The following LSM1 variants were observed in gnomAD, a reference collection of about 807,000 sequenced individuals.
LSM1 encodes U6 snRNA-associated Sm-like protein LSm1.
In LSM1, 13 loss-of-function variants were observed where a neutral mutation model predicts 18.0. The ratio of observed to expected loss-of-function variants is 0.72; its 90% CI spans 0.47 to 1.15. The LOEUF (loss-of-function observed/expected upper bound fraction) is 1.15. Ranked by LOEUF, LSM1 falls within the 50% of genes most tolerant of loss-of-function variation. The pLI is 0.00. For missense variants in LSM1, 152 were observed against 157.7 expected (o/e 0.96, Z 0.19); for synonymous variants, 46 against 56.0 (o/e 0.82, Z 0.80).
intron 2 of LSM1, among the ~76,000 whole-genome samples, chr8:38,171,400 A>T (rs1195501924): frequency 6.6e-6 from 1 of 152,180 alleles, no homozygotes; most frequent in Non-Finnish European, 1.5e-5. Context: ...CTGTCCTAAA[A>T]CCATGAGGAG....
chr8:38,163,935 A>T, intron 3 of LSM1, 95 bp from the exon 4 acceptor site: 1 of 1,104,208 alleles, frequency 9.1e-7, no homozygotes, highest in Non-Finnish European at 1.3e-6. Context: ...GGCTCAGATT[A>T]TTTTTCATAA....
At chr8:38,167,482 G>A (rs1339709269) in intron 3 of LSM1, among the ~76,000 whole-genome samples, 1 of 151,770 alleles carries the variant, frequency 6.6e-6, no homozygotes, top group Non-Finnish European at 1.5e-5. Context: ...AGCTGGGACT[G>A]GTGATGTGCA....
At chr8:38,164,226 T>C (rs1357378191) in intron 3 of LSM1, among the ~76,000 whole-genome samples, 1 of 152,190 alleles carries the variant, frequency 6.6e-6, no homozygotes, top group Non-Finnish European at 1.5e-5. Context: ...GGCTAATTTT[T>C]GTATTTTAAG....
chr8:38,174,178 G>A (rs1171759421), intron 1 of LSM1, among the ~76,000 whole-genome samples: 2 of 152,108 alleles, frequency 1.3e-5, no homozygotes, highest in Non-Finnish European at 2.9e-5. Flanking sequence ...TCGAGGTTTG[G>A]GGATAAAGAT....
chr8:38,176,046 C>T, intron 1 of LSM1: 3 of 464,568 alleles, frequency 6.5e-6, no homozygotes, highest in East Asian at 7.3e-5. Flanking sequence ...TGGGGCTCAC[C>T]AGCTAGAGGG....
intron 1 of LSM1, among the ~76,000 whole-genome samples, chr8:38,172,439 G>A (rs1203254500): frequency 2.0e-5 from 3 of 150,862 alleles, no homozygotes; most frequent in Non-Finnish European, 2.9e-5. Context: ...CTCCTGCATC[G>A]GCCTCCTTAG....
rs1211029698 is a variant in LSM1 at position 38,169,890 on chromosome 8, T to C, written c.143A>G (p.Glu48Gly). ...FANLVLHQTV[E>G]RIHVGKKYGD... ...GTATTTTTTGCCCACATGAATACGC[T>C]CCACAGTCTGATGTAGCACTAAGTT... is the stretch of plus-strand genomic sequence containing the variant. Residue 48 changes from glutamate to glycine, a missense_variant, in exon 3 of 4, where the codon GAG (glutamate) becomes GGG (glycine). By Grantham distance (98) the Glu-to-Gly change is moderately conservative (BLOSUM62 -2). Transcript: ENST00000311351. 2 of 1,613,044 alleles carry C rather than the reference T, an allele frequency of 1.2e-6. No individual in the cohort carries two copies. The highest frequency in any genetic ancestry group is 1.7e-6 in the Non-Finnish European group (2 of 1,179,142).
intron 1 of LSM1, among the ~76,000 whole-genome samples, chr8:38,172,522 A>G (rs1803050073): frequency 6.6e-6 from 1 of 152,092 alleles, no homozygotes. Flanking sequence ...GTGTATCACC[A>G]TGTTAGCTAG....
chr8:38,168,702 T>A (rs1802978675), intron 3 of LSM1, among the ~76,000 whole-genome samples: 1 of 151,400 alleles, frequency 6.6e-6, no homozygotes, highest in Non-Finnish European at 1.5e-5. Flanking sequence ...ATAAGAAAAA[T>A]TTTTATAAGT....
chr8:38,176,222 C>G, intron 1 of LSM1, 53 bp downstream of exon 1: 6 of 1,544,860 alleles, frequency 3.9e-6, no homozygotes, highest in Non-Finnish European at 5.4e-6. Context: ...AGGCGCCCGC[C>G]CGGGAGGAAG....
chr8:38,169,513 T>C (rs552942502), intron 3 of LSM1, among the ~76,000 whole-genome samples: 1 of 152,356 alleles, frequency 6.6e-6, no homozygotes, highest in Non-Finnish European at 1.5e-5. Flanking sequence ...TTGTAACCAA[T>C]TGTTTAAATG....
At position 38,176,315 on chromosome 8, in the gene LSM1, G is replaced by C; in HGVS notation, c.6C>G (p.Asn2Lys). 1 of 1,612,800 alleles carries C rather than the reference G, an allele frequency of 6.2e-7. No individual in the cohort carries two copies. The highest frequency in any genetic ancestry group is 8.5e-7 in the Non-Finnish European group (1 of 1,179,488). Reference protein sequence around the residue: MNYMPGTASLIE... With the variant: MKYMPGTASLIE... ...TGAGGCTGGCGGTGCCAGGCATATA[G>C]TTCATTTTGAACTGAAATAATGCTG... Residue 2 changes from asparagine (N) to lysine (K), a missense_variant, in exon 1 of 4, where the codon AAC (asparagine) becomes AAG (lysine). Physicochemically the swap from Asn to Lys is moderately conservative, Grantham distance 94 (BLOSUM62 0). Coordinates refer to ENST00000311351, the MANE Select transcript of LSM1 (RefSeq NM_014462.3).
chr8:38,172,852 A>G (rs1017984348), intron 1 of LSM1, among the ~76,000 whole-genome samples: 1 of 152,228 alleles, frequency 6.6e-6, no homozygotes, highest in East Asian at 1.9e-4. Flanking sequence ...CAGAAATTCA[A>G]TGTTTACTGA....
chr8:38,172,212 G>C (rs911441374), intron 1 of LSM1, among the ~76,000 whole-genome samples, 179 bp from the exon 2 acceptor site: 1 of 151,612 alleles, frequency 6.6e-6, no homozygotes, highest in Admixed American at 6.6e-5. Context: ...AACATCAGTA[G>C]TGAAAAGAAT....
chr8:38,176,355 G>T lies in LSM1; in HGVS notation c.-35C>A. 6.3e-7 allele frequency: 1 copy of T among 1,587,518 alleles called. No individual in the cohort carries two copies. The highest frequency in any genetic ancestry group is 1.1e-5 in the South Asian group (1 of 89,094). On this transcript the variant is annotated 5_prime_UTR_variant, in exon 1 of 4. Transcript: ENST00000311351. ...AAATAATGCTGCAATGCACAGCGGC[G>T]GGAGGCCAGCGCGTCCAAAACCTCT... is the stretch of plus-strand genomic sequence containing the variant.
chr8:38,175,996 G>A (rs1803130243), intron 1 of LSM1: 2 of 375,304 alleles, frequency 5.3e-6, no homozygotes, highest in African/African-American at 2.1e-5. Context: ...TCGGGCCTCT[G>A]CTGCCGCGAT....
At chr8:38,176,252 C>G in intron 1 of LSM1, 23 bp downstream of exon 1, 1 of 1,612,202 alleles carries the variant, frequency 6.2e-7, no homozygotes. Context: ...CCGGGCTCCA[C>G]CGGGAGGAGA....
intron 1 of LSM1, among the ~76,000 whole-genome samples, chr8:38,172,711 T>A (rs967413741): frequency 6.6e-6 from 1 of 152,252 alleles, no homozygotes. Flanking sequence ...ATGACTATTA[T>A]CTTATTTGTA....
intron 3 of LSM1, among the ~76,000 whole-genome samples, chr8:38,168,569 C>G (rs1428356091): frequency 7.5e-6 from 1 of 132,834 alleles, no homozygotes; most frequent in African/African-American, 2.9e-5. Context: ...CCAGCCTGGG[C>G]AACAGGAGCA....
Sources: gnomAD v4.1 joint callset for allele counts (sites outside exome capture counted in the v4.1 genomes callset) on GRCh38, gnomAD v4.1.1 for gene constraint, MANE v1.5 for transcripts, NCBI Gene and HGNC (gene_info 2026-07-23, HGNC 2026-07-21) for gene names.